The following UBE3D variants were observed in gnomAD, a reference collection of about 807,000 sequenced individuals.
UBE3D encodes E3 ubiquitin-protein ligase E3D.
UBE3D carries 48 observed loss-of-function variants against 49.6 expected under a neutral mutation model. The ratio of observed to expected loss-of-function variants is 0.97; its 90% confidence interval spans 0.77 to 1.23. The LOEUF is 1.23. Among genes scored for constraint, UBE3D ranks in the 50% most tolerant of loss-of-function variants. The pLI is 0.00. For synonymous variants in UBE3D, 189 were observed against 174.2 expected, an observed-to-expected ratio of 1.08 and a Z score of -0.67; for missense variants, 452 against 468.4, an observed-to-expected ratio of 0.96 and a Z score of 0.32.
At position 83,024,058 on chromosome 6, in the gene UBE3D, T is replaced by C; in HGVS notation, c.668-20A>G. 1 of 1,430,316 alleles carries C rather than the reference T, an allele frequency of 7.0e-7. No individual in the cohort carries two copies. The highest frequency in any genetic ancestry group is 1.5e-5 in the African/African-American group (1 of 68,690). 88.6% of individuals were successfully genotyped at this position (1,430,316 alleles called of 1,614,324 possible). On this transcript the variant is annotated intron_variant, in intron 5 of 9. Coordinates refer to ENST00000369747, the MANE Select transcript of UBE3D (RefSeq NM_198920.3). ...TGGTTTCTAGAAACAAAAAAGAAAA[T>C]TAAGACTCTCCCCAATACACTAATA...
intron 4 of UBE3D, among the ~76,000 whole-genome samples, chr6:83,040,333 G>A (rs7341256): frequency 1.8e-4 from 28 of 151,974 alleles, no homozygotes; most frequent in African/African-American, 6.5e-4. Context: ...GCAGTGAGCC[G>A]AGATTGTACC....
chr6:83,059,759 G>A (rs1429591999), intron 1 of UBE3D, among the ~76,000 whole-genome samples: 1 of 152,098 alleles, frequency 6.6e-6, no homozygotes, highest in Non-Finnish European at 1.5e-5. Context: ...CATCCATAGG[G>A]CCAAGCAAGG....
Position 83,057,995 on chromosome 6 carries a change from C to A in UBE3D, c.105G>T (p.Met35Ile). 6.2e-7 allele frequency: 1 copy of A among 1,614,156 alleles called. No individual in the cohort carries two copies. Among genetic ancestry groups the A allele is most frequent in the Non-Finnish European group, 8.5e-7 (1 of 1,180,038 alleles). Residue 35 changes from methionine (M) to isoleucine (I), a missense_variant, in exon 2 of 10, where the codon ATG (methionine) becomes ATT (isoleucine). Transcript: ENST00000369747. Reference protein sequence around the residue: ...LGEPKEGGMPMNISIMPSSLQ... With the variant: ...LGEPKEGGMPINISIMPSSLQ... ...GTGAAGATGGCATTATGGAAATATT[C>A]ATGGGCATACCTCCTTCTTTCGGTT...
intron 9 of UBE3D, among the ~76,000 whole-genome samples, chr6:82,896,983 C>T (rs954102037): frequency 6.6e-6 from 1 of 151,898 alleles, no homozygotes; most frequent in Admixed American, 6.6e-5. Flanking sequence ...TTGTGATCCA[C>T]CCGCCCCGGC....
intron 8 of UBE3D, among the ~76,000 whole-genome samples, chr6:82,985,948 T>C (rs1372518863): frequency 1.3e-5 from 2 of 152,158 alleles, no homozygotes; most frequent in Admixed American, 1.3e-4. Flanking sequence ...TAATATCTGA[T>C]AGGGCTAGTC....
chr6:82,919,420 G>C (rs758190347), intron 9 of UBE3D, among the ~76,000 whole-genome samples: 12 of 151,218 alleles, frequency 7.9e-5, no homozygotes, highest in Non-Finnish European at 1.0e-4. Context: ...TGGCTAACAC[G>C]GTGAAACCCT....
At chr6:83,031,791 A>G (rs972049856) in intron 5 of UBE3D, among the ~76,000 whole-genome samples, 2 of 152,166 alleles carry the variant, frequency 1.3e-5, no homozygotes, top group Admixed American at 1.3e-4. Flanking sequence ...CAGCCTAGGG[A>G]CTTGGTGCTC....
intron 9 of UBE3D, among the ~76,000 whole-genome samples, chr6:82,898,491 T>C (rs1033248096): frequency 5.3e-5 from 8 of 152,142 alleles, no homozygotes; most frequent in Non-Finnish European, 1.0e-4. Context: ...CGGAATACTA[T>C]GCAGCCATAA....
intron 9 of UBE3D, among the ~76,000 whole-genome samples, chr6:82,897,624 C>G (rs1771426092): frequency 6.6e-6 from 1 of 151,972 alleles, no homozygotes; most frequent in South Asian, 2.1e-4. Context: ...TTAATTAAAA[C>G]AAAATCTAGT....
chr6:83,022,609 C>A, intron 6 of UBE3D, 48 bp from the exon 7 acceptor site: 1 of 1,404,000 alleles, frequency 7.1e-7, no homozygotes. Context: ...CATAATAACT[C>A]TAACTGGCAA....
chr6:82,945,019 A>T (rs1775297442), intron 9 of UBE3D, among the ~76,000 whole-genome samples: 1 of 152,236 alleles, frequency 6.6e-6, no homozygotes, highest in South Asian at 2.1e-4. Context: ...CCCTGGACCC[A>T]CCCAGTGGCC....
chr6:82,949,946 T>G (rs1436904488), intron 9 of UBE3D, among the ~76,000 whole-genome samples: 1 of 152,170 alleles, frequency 6.6e-6, no homozygotes, highest in East Asian at 1.9e-4. Flanking sequence ...TCTAGGACAT[T>G]GAATTGGGCA....
intron 9 of UBE3D, among the ~76,000 whole-genome samples, chr6:82,900,764 C>T (rs1175185413): frequency 1.3e-5 from 2 of 152,106 alleles, no homozygotes; most frequent in Non-Finnish European, 2.9e-5. Flanking sequence ...TAATTCTGTC[C>T]AGCAGGAAGA....
intron 8 of UBE3D, among the ~76,000 whole-genome samples, chr6:82,970,908 T>C (rs570905066): frequency 6.6e-5 from 10 of 152,154 alleles, no homozygotes; most frequent in Admixed American, 3.9e-4. Flanking sequence ...CTCAACAACA[T>C]TCATTTTACA....
intron 9 of UBE3D, among the ~76,000 whole-genome samples, chr6:82,919,074 G>A (rs749655893): frequency 6.6e-6 from 1 of 151,960 alleles, no homozygotes; most frequent in Non-Finnish European, 1.5e-5. Flanking sequence ...AGCATTATAT[G>A]AGAGTGTCCA....
At chr6:82,913,202 C>T (rs1451957320) in intron 9 of UBE3D, among the ~76,000 whole-genome samples, 1 of 152,148 alleles carries the variant, frequency 6.6e-6, no homozygotes, top group African/African-American at 2.4e-5. Context: ...TGCACAAGTA[C>T]CAAAGGGTGG....
chr6:83,039,615 A>T (rs1043247252), intron 4 of UBE3D, among the ~76,000 whole-genome samples: 4 of 151,832 alleles, frequency 2.6e-5, no homozygotes, highest in Non-Finnish European at 5.9e-5. Flanking sequence ...AATTCAGTGG[A>T]TTACTGTGTT....
chr6:83,031,633 C>A (rs1478128325), intron 5 of UBE3D, among the ~76,000 whole-genome samples: 8 of 152,172 alleles, frequency 5.3e-5, no homozygotes, highest in Non-Finnish European at 1.2e-4. Flanking sequence ...TACACTGCTG[C>A]AGAAATTTGC....
chr6:83,031,955 C>A (rs1182488264), intron 5 of UBE3D, among the ~76,000 whole-genome samples: 1 of 152,190 alleles, frequency 6.6e-6, no homozygotes, highest in Non-Finnish European at 1.5e-5. Context: ...GGAACCTCCA[C>A]CAAGATTTCT....
Sources: gnomAD v4.1 joint callset for allele counts (sites outside exome capture counted in the v4.1 genomes callset) on GRCh38, gnomAD v4.1.1 for gene constraint, MANE v1.5 for transcripts, NCBI Gene and HGNC (gene_info 2026-07-23, HGNC 2026-07-21) for gene names.